TENM2: variants seen among roughly 807,000 people sequenced by gnomAD.
TENM2 encodes teneurin-2.
TENM2 carries 52 observed loss-of-function variants against 245.2 expected under a neutral mutation model. That is an observed-to-expected ratio of 0.21 (90% CI 0.17 to 0.27). The LOEUF (loss-of-function observed/expected upper bound fraction) is 0.27, where lower values mean the gene tolerates loss of function less well. Among genes scored for constraint, TENM2 ranks in the 10% least tolerant of loss-of-function variants. TENM2 has a pLI of 1.00. For missense variants in TENM2, 3,046 were observed against 3,666.8 expected, an observed-to-expected ratio of 0.83 and a Z score of 4.37; for synonymous variants, 1,363 against 1,438.9, an observed-to-expected ratio of 0.95 and a Z score of 1.19.
intron 1 of TENM2, among the ~76,000 whole-genome samples, chr5:167,292,972 G>A (rs1322622076): frequency 6.6e-6 from 1 of 152,172 alleles, no homozygotes; most frequent in Non-Finnish European, 1.5e-5. Flanking sequence ...ACTACATTTT[G>A]TTGTTCCAAG....
intron 2 of TENM2, among the ~76,000 whole-genome samples, chr5:167,663,737 A>G (rs940843818): frequency 5.9e-5 from 9 of 152,026 alleles, no homozygotes; most frequent in Non-Finnish European, 1.3e-4. Context: ...CTCTGTCTTC[A>G]GTATTATGGA....
the TENM2 span, among the ~76,000 whole-genome samples, chr5:167,141,148 A>C: frequency 6.6e-6 from 1 of 152,162 alleles, no homozygotes; most frequent in African/African-American, 2.4e-5. Context: ...ATTAGGAGGG[A>C]AGGGGGACCA....
chr5:167,989,776 C>T (rs963161043), intron 4 of TENM2, among the ~76,000 whole-genome samples: 1 of 152,024 alleles, frequency 6.6e-6, no homozygotes, highest in African/African-American at 2.4e-5. Flanking sequence ...GGAGGAAGTT[C>T]CTTGGGTAAC....
At chr5:167,028,614 A>G in the TENM2 span, among the ~76,000 whole-genome samples, 100 of 152,202 alleles carry the variant, frequency 6.6e-4, no homozygotes, top group African/African-American at 2.4e-3. Context: ...AATATATTAG[A>G]TATATCAAAT....
intron 13 of TENM2, among the ~76,000 whole-genome samples, chr5:168,177,681 T>A (rs141219741): frequency 4.6e-5 from 7 of 152,084 alleles, no homozygotes; most frequent in African/African-American, 1.7e-4. Flanking sequence ...TACAAAAAAT[T>A]AAAAAATTAG....
At chr5:167,241,762 T>C in the TENM2 span, among the ~76,000 whole-genome samples, 1 of 152,020 alleles carries the variant, frequency 6.6e-6, no homozygotes, top group Non-Finnish European at 1.5e-5. Flanking sequence ...AGGAGCAAGA[T>C]TGGAGTGATT....
the TENM2 span, among the ~76,000 whole-genome samples, chr5:167,232,137 C>T: frequency 0.21 from 31,617 of 152,012 alleles, 3,835 homozygotes; most frequent in African/African-American, 0.34. Context: ...GGATGGAGCA[C>T]TCATGGAGAA....
At chr5:167,284,719 A>G (rs961554051), upstream of TENM2, 4 of 722,266 alleles carry the variant, frequency 5.5e-6, no homozygotes, top group Admixed American at 9.3e-5. Flanking sequence ...TGAAGGCAGC[A>G]TTTCTTGTAA....
chr5:168,104,219 A>G (rs1291440335), intron 9 of TENM2, among the ~76,000 whole-genome samples: 1 of 152,024 alleles, frequency 6.6e-6, no homozygotes, highest in Admixed American at 6.5e-5. Flanking sequence ...CATAGAGACG[A>G]GGTTTCACCA....
intron 2 of TENM2, among the ~76,000 whole-genome samples, chr5:167,797,616 T>C (rs1376328946): frequency 2.0e-5 from 3 of 152,190 alleles, no homozygotes. Flanking sequence ...CCCTTCAACA[T>C]GTAAGCATTT....
intron 2 of TENM2, among the ~76,000 whole-genome samples, chr5:167,622,362 C>G (rs770545029): frequency 6.6e-6 from 1 of 151,948 alleles, no homozygotes; most frequent in African/African-American, 2.4e-5. Context: ...TCATGTTGCC[C>G]GCATAAACCA....
the TENM2 span, among the ~76,000 whole-genome samples, chr5:167,232,662 C>T: frequency 1.2e-4 from 19 of 152,320 alleles, no homozygotes; most frequent in East Asian, 5.8e-4. Context: ...TGAGCCACCA[C>T]GCCCAGCCTA....
At chr5:167,673,490 T>G (rs991495749) in intron 2 of TENM2, among the ~76,000 whole-genome samples, 4 of 152,092 alleles carry the variant, frequency 2.6e-5, no homozygotes, top group Non-Finnish European at 5.9e-5. Flanking sequence ...CATTTGTTCC[T>G]TCAACTAAGA....
At chr5:167,774,793 C>G (rs1206219869) in intron 2 of TENM2, among the ~76,000 whole-genome samples, 1 of 152,122 alleles carries the variant, frequency 6.6e-6, no homozygotes, top group African/African-American at 2.4e-5. Context: ...CTGTCAGCAG[C>G]AAGCCTGAGT....
chr5:168,085,474 G>T (rs1346370175), intron 7 of TENM2: 1 of 152,224 alleles, frequency 6.6e-6, no homozygotes, highest in African/African-American at 2.4e-5. Context: ...CCGAGCAGTG[G>T]TGCCTGCAGC....
chr5:167,557,237 C>T (rs1252717101), intron 2 of TENM2, among the ~76,000 whole-genome samples: 1 of 152,142 alleles, frequency 6.6e-6, no homozygotes, highest in South Asian at 2.1e-4. Context: ...ATATAAAAAT[C>T]TTAGCCTATT....
chr5:167,990,248 G>C (rs1783565542), intron 4 of TENM2, among the ~76,000 whole-genome samples: 1 of 152,164 alleles, frequency 6.6e-6, no homozygotes, highest in African/African-American at 2.4e-5. Flanking sequence ...ATTATTTAGT[G>C]ACTTAGAGAA....
rs1759895935 is a variant in TENM2, at chr5:168,181,625, C to CCAA, written c.2570-8709_2570-8707dup. Among the ~76,000 whole-genome samples, 6 of 150,992 alleles carry CCAA rather than the reference C, an allele frequency of 4.0e-5. No individual in the cohort carries two copies. The South Asian group carries it at 1.3e-3, about 32-fold the overall frequency. On this transcript the variant is annotated intron_variant, in intron 13 of 28. Transcript: ENST00000518659. ...TTGGCAAGAAGTAGGAGGAAAACTT[C>CCAA]CAACAGGTCTTCTTCCAGAAGGAGT...
chr5:167,074,946 C>T, the TENM2 span, among the ~76,000 whole-genome samples: 24 of 152,254 alleles, frequency 1.6e-4, no homozygotes, highest in Admixed American at 4.6e-4. Context: ...GTGAATAGTT[C>T]ACAGACCAGG....
Sources: gnomAD v4.1 joint callset for allele counts (sites outside exome capture counted in the v4.1 genomes callset) on GRCh38, gnomAD v4.1.1 for gene constraint, MANE v1.5 for transcripts, NCBI Gene and HGNC (gene_info 2026-07-23, HGNC 2026-07-21) for gene names.